The following PCDHA1 variants were observed in gnomAD, a reference collection of about 807,000 sequenced individuals.
The protein encoded by PCDHA1 is protocadherin alpha 1.
Under a neutral mutation model 61.3 loss-of-function variants are expected in PCDHA1, and 42 were observed. The observed-to-expected ratio is 0.69, with a 90% CI of 0.54 to 0.89. The LOEUF (loss-of-function observed/expected upper bound fraction) is 0.89. Among genes scored for constraint, PCDHA1 ranks in the 40% least tolerant of loss-of-function variants. PCDHA1 has a pLI of 0.00. For synonymous variants in PCDHA1, 610 were observed against 553.8 expected (o/e 1.10, Z -1.43); for missense variants, 1,256 against 1,235.3 (o/e 1.02, Z -0.25).
chr5:140,870,252 G>C lies in PCDHA1; in HGVS notation c.2394+81568G>C, dbSNP rs782545691. On this transcript the variant is annotated intron_variant, in intron 1 of 3. Coordinates refer to ENST00000504120, the MANE Select transcript of PCDHA1 (RefSeq NM_018900.4). ...ACCGTGACTCAGGTGTCAACGGACA[G>C]GTGACCTGCTCGCTGACGCCCCACG... The C allele has an allele frequency of 4.3e-6, 7 of 1,614,080 alleles. No homozygotes were observed. The South Asian group carries it at 7.7e-5, about 18-fold the overall frequency.
chr5:140,796,371 G>C (rs781906195), intron 1 of PCDHA1: 3 of 1,613,896 alleles, frequency 1.9e-6, no homozygotes, highest in Non-Finnish European at 2.5e-6. Flanking sequence ...AGAACAACCC[G>C]CCGGGCTGCC....
chr5:140,915,209 AG>A lies in PCDHA1; in HGVS notation c.2395-63739del, dbSNP rs2077027084. On this transcript the variant is annotated intron_variant, in intron 1 of 3. Coordinates refer to ENST00000504120, the MANE Select transcript of PCDHA1 (RefSeq NM_018900.4). ...TGATCCGCCCATCTTGGCCTCCCAAAGTGCTGGGATTACAGGCATGAGCCAC... is the reference window on the plus strand; with the variant it reads ...TGATCCGCCCATCTTGGCCTCCCAAATGCTGGGATTACAGGCATGAGCCAC... 2.6e-5 allele frequency among the ~76,000 whole-genome samples: 4 copies of A among 152,034 alleles called. No individual in the cohort carries two copies. The South Asian group carries it at 8.3e-4, about 32-fold the overall frequency.
In PCDHA1 at chr5:140,879,837, T is replaced by C. The variant is rs150709679; in HGVS notation, c.2394+91153T>C. ...GTTGGTGTTCCCTGGCTTGTGGCTGTACCACTCCCATCTCAGCCTTCTCAG... is the reference window on the plus strand; with the variant it reads ...GTTGGTGTTCCCTGGCTTGTGGCTGCACCACTCCCATCTCAGCCTTCTCAG... On this transcript the variant is annotated intron_variant, in intron 1 of 3. Coordinates refer to ENST00000504120, the MANE Select transcript of PCDHA1 (RefSeq NM_018900.4). Among the ~76,000 whole-genome samples, 861 of 152,350 alleles carry C rather than the reference T, an allele frequency of 5.7e-3. 5 individuals are homozygous for C. The highest frequency in any genetic ancestry group is 0.014 in the Middle Eastern group (4 of 294).
At chr5:140,875,958 C>G (rs1312300687) in intron 1 of PCDHA1, 4 of 1,614,080 alleles carry the variant, frequency 2.5e-6, no homozygotes, top group Non-Finnish European at 3.4e-6. Flanking sequence ...ATGCGGATAT[C>G]GGCGTAAACT....
chr5:140,824,402 G>T (rs1768107554), intron 1 of PCDHA1: 3 of 539,824 alleles, frequency 5.6e-6, no homozygotes, highest in East Asian at 3.1e-5. Flanking sequence ...GATAATAATT[G>T]TAAGACATAG....
intron 1 of PCDHA1, chr5:140,875,764 C>A (rs782377276): frequency 6.2e-7 from 1 of 1,614,196 alleles, no homozygotes; most frequent in Non-Finnish European, 8.5e-7. Flanking sequence ...GCTGTGCGGG[C>A]GGAGCGCGGA....
chr5:140,843,735 G>A lies in PCDHA1; in HGVS notation c.2394+55051G>A. On this transcript the variant is annotated intron_variant, in intron 1 of 3. Coordinates refer to ENST00000504120, the MANE Select transcript of PCDHA1 (RefSeq NM_018900.4). ...CTCAAAGTAAGTCCATTTAAATTTA[G>A]AACTCATAAATTCTATTTGTGGAAA... The A allele has an allele frequency of 1.9e-6, 3 of 1,548,326 alleles. 1 individual carries two copies. The highest frequency in any genetic ancestry group is 2.7e-6 in the Non-Finnish European group (3 of 1,128,282).
At chr5:140,982,414 G>A in intron 2 of PCDHA1, 61 bp from the exon 3 acceptor site, 1 of 1,609,882 alleles carries the variant, frequency 6.2e-7, no homozygotes, top group Non-Finnish European at 8.5e-7. Flanking sequence ...TCTGAGGGTG[G>A]AAGAAGAGAT....
At position 140,829,810 on chromosome 5, in the gene PCDHA1, T is replaced by C. The variant is rs144082627; in HGVS notation, c.2394+41126T>C. The stretch of plus-strand genomic sequence containing the variant: ...TGCTGGCGCCTCGGGTGGGTGGTAC[T>C]GGTGGTGCAGTGAGCGAGCTGGTGC... On this transcript the variant is annotated intron_variant, in intron 1 of 3. Transcript: ENST00000504120. The C allele has an allele frequency of 1.0e-3, 1,632 of 1,613,866 alleles. 19 individuals are homozygous for C. In the African/African-American group the frequency reaches 0.019, roughly 19 times the overall value.
intron 3 of PCDHA1, among the ~76,000 whole-genome samples, chr5:140,987,781 A>G (rs2097267961): frequency 6.6e-6 from 1 of 152,208 alleles, no homozygotes; most frequent in East Asian, 1.9e-4. Context: ...AGAATCTGCT[A>G]TAGAGAAGAT....
At position 141,010,004 on chromosome 5, in the gene PCDHA1, A is replaced by T; in HGVS notation, c.*67A>T. 1 of 1,573,418 alleles carries T rather than the reference A, an allele frequency of 6.4e-7. No individual in the cohort carries two copies. The highest frequency in any genetic ancestry group is 8.6e-7 in the Non-Finnish European group (1 of 1,163,824). ...TAATGGCAAATCTCTCCCATGTAGC[A>T]ATTCCCTGCTCCTTTTTCCTATCTA... On this transcript the variant is annotated 3_prime_UTR_variant, in exon 4 of 4. Transcript: ENST00000504120.
intron 1 of PCDHA1, chr5:140,854,759 A>G (rs2043218942): frequency 6.7e-6 from 1 of 149,714 alleles, no homozygotes. Context: ...TTACATTTTC[A>G]TTCCTGAATA....
At chr5:141,008,843 G>A (rs1474787733) in intron 3 of PCDHA1, among the ~76,000 whole-genome samples, 7 of 152,114 alleles carry the variant, frequency 4.6e-5, no homozygotes, top group Non-Finnish European at 1.0e-4. Context: ...CTTACGCTGT[G>A]TATTCCCATC....
At chr5:140,883,162 C>A (rs782797002) in intron 1 of PCDHA1, 8 of 1,613,690 alleles carry the variant, frequency 5.0e-6, no homozygotes, top group Non-Finnish European at 5.1e-6. Context: ...TAAATCCGAA[C>A]AATGGAGAAA....
intron 1 of PCDHA1, chr5:140,864,514 A>ATTTTACTTCTTAATT (rs2048501242): frequency 6.6e-6 from 1 of 152,082 alleles, no homozygotes; most frequent in African/African-American, 2.4e-5. Context: ...TTTAAAGGTG[A>ATTTTACTTCTTAATT]TTTTACTTCT....
intron 1 of PCDHA1, chr5:140,875,980 T>A: frequency 6.2e-7 from 1 of 1,614,062 alleles, no homozygotes; most frequent in East Asian, 2.2e-5. Context: ...TCTTTTGACC[T>A]ATGCGTTAAG....
At chr5:140,882,854 C>T in intron 1 of PCDHA1, 1 of 1,614,196 alleles carries the variant, frequency 6.2e-7, no homozygotes, top group African/African-American at 1.3e-5. Context: ...ATCACTTGTA[C>T]TGAGGAAAAC....
rs183230708 is a variant in PCDHA1, at chr5:140,914,004, A to G, written c.2395-64945A>G. Among the ~76,000 whole-genome samples, 112 of 152,288 alleles carry G rather than the reference A, an allele frequency of 7.4e-4. 1 individual carries two copies. Among genetic ancestry groups the G allele is most frequent in the Middle Eastern group, 6.8e-3 (2 of 294 alleles). On this transcript the variant is annotated intron_variant, in intron 1 of 3. Coordinates refer to ENST00000504120, the MANE Select transcript of PCDHA1 (RefSeq NM_018900.4). ...TTGTATTGTGACTAGCATATGGTCT[A>G]TCTTTGAGAATGATCCACGTGCTGA...
chr5:140,941,191 T>TTTCTTTCTTTCTTTC lies in PCDHA1; in HGVS notation c.2395-37756_2395-37755insCTTTCTTTCTTTCTT, dbSNP rs1487503403. Among the ~76,000 whole-genome samples, 17 of 93,258 alleles carry TTTCTTTCTTTCTTTC rather than the reference T, an allele frequency of 1.8e-4. No individual in the cohort carries two copies. The South Asian group carries it at 2.0e-3, about 11-fold the overall frequency. The allele number at this position is 93,258 out of a possible 152,430, so 61.2% of individuals were successfully genotyped here. A position where few individuals can be genotyped will look rare whatever the true frequency, so the allele number is the denominator to read the frequency against. ...CATCTTGAACATCCTGCTTCTTTTT[T>TTTCTTTCTTTCTTTC]TTTCTTTCTTCCTTTCTTTCTTCCT... On this transcript the variant is annotated intron_variant, in intron 1 of 3. Coordinates refer to ENST00000504120, the MANE Select transcript of PCDHA1 (RefSeq NM_018900.4).
Sources: allele counts gnomAD v4.1 joint callset (sites outside exome capture counted in the v4.1 genomes callset), GRCh38; gene constraint gnomAD v4.1.1; transcripts MANE v1.5; gene names NCBI Gene and HGNC (gene_info 2026-07-23, HGNC 2026-07-21).